Variants in DNAJC12 observed in about 807,000 individuals in gnomAD.
DNAJC12 encodes the protein dnaJ homolog subfamily C member 12.
Under a neutral mutation model 28.5 loss-of-function variants are expected in DNAJC12, and 25 were observed. The ratio of observed to expected loss-of-function variants is 0.88; its 90% CI spans 0.64 to 1.22. The LOEUF (loss-of-function observed/expected upper bound fraction) is 1.22, where lower values mean the gene tolerates loss of function less well. Among genes scored for constraint, DNAJC12 ranks in the 50% most tolerant of loss-of-function variants. DNAJC12 has a pLI of 0.00. For synonymous variants in DNAJC12, 77 were observed against 80.6 expected (o/e 0.95, Z 0.24); for missense variants, 222 against 231.7 (o/e 0.96, Z 0.27).
At chr10:67,799,133 C>CT (rs1425358813) in intron 4 of DNAJC12, among the ~76,000 whole-genome samples, 1 of 152,018 alleles carries the variant, frequency 6.6e-6, no homozygotes, top group Non-Finnish European at 1.5e-5. Flanking sequence ...AACATCTATG[C>CT]TTTTCGTCTT....
chr10:67,837,838 T>A (rs1842154513), intron 1 of DNAJC12, 96 bp downstream of exon 1: 1 of 878,366 alleles, frequency 1.1e-6, no homozygotes, highest in African/African-American at 1.7e-5. Context: ...GTAGGCAATG[T>A]GACTAAAAAT....
chr10:67,820,394 A>T (rs1297503603), intron 2 of DNAJC12, among the ~76,000 whole-genome samples: 2 of 152,224 alleles, frequency 1.3e-5, no homozygotes, highest in Non-Finnish European at 2.9e-5. Flanking sequence ...GATTCTATTT[A>T]TATGAAATCC....
chr10:67,827,330 T>C (rs1842046761), intron 1 of DNAJC12, among the ~76,000 whole-genome samples: 1 of 149,464 alleles, frequency 6.7e-6, no homozygotes, highest in South Asian at 2.1e-4. Context: ...GAGGTTGCAG[T>C]GAGCCAAGAT....
chr10:67,824,185 A>G (rs939338060), intron 1 of DNAJC12, among the ~76,000 whole-genome samples: 3 of 151,252 alleles, frequency 2.0e-5, no homozygotes, highest in African/African-American at 7.3e-5. Flanking sequence ...GCAGTGAGCC[A>G]AGATCACACC....
chr10:67,812,862 A>AC (rs1385206138), intron 2 of DNAJC12, among the ~76,000 whole-genome samples: 1 of 151,574 alleles, frequency 6.6e-6, no homozygotes, highest in East Asian at 2.0e-4. Flanking sequence ...AAAAAAAAAA[A>AC]ACAAAAAAAA....
chr10:67,819,847 T>C lies in DNAJC12; in HGVS notation c.157+3467A>G, dbSNP rs1841966389. 1.3e-5 allele frequency among the ~76,000 whole-genome samples: 2 copies of C among 149,720 alleles called. 1 individual carries two copies. Among genetic ancestry groups the C allele is most frequent in the South Asian group, 4.2e-4 (2 of 4,714 alleles). On this transcript the variant is annotated intron_variant, in intron 2 of 4. Transcript: ENST00000225171. ...TTTATGCATTCACTTATTCAAGAAA[T>C]TGTGCAGAATAGGTGTCCTCTTCAG...
At chr10:67,830,755 A>C (rs2131815004) in intron 1 of DNAJC12, among the ~76,000 whole-genome samples, 1 of 152,330 alleles carries the variant, frequency 6.6e-6, no homozygotes, top group Admixed American at 6.5e-5. Flanking sequence ...TACTATCATT[A>C]TTCTCATTTT....
chr10:67,838,117 C>A lies in DNAJC12; in HGVS notation c.-106G>T. 1.4e-6 allele frequency: 1 copy of A among 718,724 alleles called. No homozygotes were observed. The highest frequency in any genetic ancestry group is 2.3e-6 in the Non-Finnish European group (1 of 437,072). The allele number at this position is 718,724 out of a possible 1,614,324, so 44.5% of individuals were successfully genotyped here. A position where few individuals can be genotyped will look rare whatever the true frequency, so the allele number is the denominator to read the frequency against. ...ATCTGAATTAGAGCAGCATGTTCCA[C>A]ATAGCAAAAACTAGCTTTAAGACTG... is the stretch of plus-strand genomic sequence containing the variant. On this transcript the variant is annotated 5_prime_UTR_variant, in exon 1 of 5. It removes an upstream start codon present in the reference 5' UTR. Coordinates refer to ENST00000225171, the MANE Select transcript of DNAJC12 (RefSeq NM_021800.3).
At chr10:67,803,635 C>T (rs538038193) in intron 4 of DNAJC12, among the ~76,000 whole-genome samples, 23 of 152,232 alleles carry the variant, frequency 1.5e-4, no homozygotes, top group African/African-American at 5.5e-4. Context: ...TGTCTCCCAC[C>T]CACACTACAC....
At chr10:67,804,537 A>C (rs1344396397) in intron 4 of DNAJC12, among the ~76,000 whole-genome samples, 1 of 152,202 alleles carries the variant, frequency 6.6e-6, no homozygotes, top group East Asian at 1.9e-4. Flanking sequence ...AGCAAGTACT[A>C]TTATAATCCC....
intron 1 of DNAJC12, 101 bp from the exon 2 acceptor site, chr10:67,823,493 A>G (rs1842000685): frequency 2.2e-6 from 2 of 905,234 alleles, no homozygotes; most frequent in Non-Finnish European, 3.6e-6. Flanking sequence ...GCGGATCACC[A>G]GGAATAAGAC....
chr10:67,813,466 A>G (rs530229387), intron 2 of DNAJC12, among the ~76,000 whole-genome samples: 2 of 152,272 alleles, frequency 1.3e-5, no homozygotes, highest in South Asian at 2.1e-4. Context: ...AAGAGCATCA[A>G]GAGCCGGACC....
At chr10:67,834,896 T>G (rs1842128006) in intron 1 of DNAJC12, among the ~76,000 whole-genome samples, 1 of 152,184 alleles carries the variant, frequency 6.6e-6, no homozygotes. Flanking sequence ...CTTTGTTAAA[T>G]TGTTTTGAAA....
Position 67,805,671 on chromosome 10 carries a change from C to T in DNAJC12, c.414G>A (p.Glu138=), listed in dbSNP as rs1488954103. ...TTTTCTCTGCGGTTGAAGCCAGCTCCTCTTTCTTTCTTTCTCTTTGCTCAT... is the reference window on the plus strand; with the variant it reads ...TTTTCTCTGCGGTTGAAGCCAGCTCTTCTTTCTTTCTTTCTCTTTGCTCAT... The part of the protein sequence containing the change: ...ECNEQRERKK[E]ELASTAEKTE... The change falls in exon 4 of 5, where the codon GAG becomes GAA. Residue 138 remains glutamate, a synonymous_variant. Coordinates refer to ENST00000225171, the MANE Select transcript of DNAJC12 (RefSeq NM_021800.3). 4.3e-6 allele frequency: 7 copies of T among 1,613,516 alleles called. No homozygotes were observed. The highest frequency in any genetic ancestry group is 2.2e-5 in the East Asian group (1 of 44,836).
intron 2 of DNAJC12, among the ~76,000 whole-genome samples, chr10:67,821,017 A>C (rs1321173440): frequency 6.6e-6 from 1 of 151,534 alleles, no homozygotes; most frequent in East Asian, 2.0e-4. Flanking sequence ...TCCCGACCTC[A>C]GGTGGTCCAC....
intron 3 of DNAJC12, among the ~76,000 whole-genome samples, chr10:67,810,592 G>A (rs1047249520): frequency 7.9e-5 from 12 of 152,306 alleles, no homozygotes; most frequent in African/African-American, 2.9e-4. Context: ...AGGGTTGATG[G>A]TGTGAAGGAA....
In DNAJC12 at chr10:67,828,941, C is replaced by G. The variant is rs148846399; in HGVS notation, c.79-5549G>C. Among the ~76,000 whole-genome samples, 778 of 152,108 alleles carry G rather than the reference C, an allele frequency of 5.1e-3. 7 individuals are homozygous for G. Among genetic ancestry groups the G allele is most frequent in the African/African-American group, 0.018 (736 of 41,500 alleles). On this transcript the variant is annotated intron_variant, in intron 1 of 4. Coordinates refer to ENST00000225171, the MANE Select transcript of DNAJC12 (RefSeq NM_021800.3). ...GCATTTCAAGGAAATCACTTCTGTT[C>G]GAACTACAAGCAGCCAGAAAGAGCA...
At chr10:67,821,952 A>G (rs1841985589) in intron 2 of DNAJC12, among the ~76,000 whole-genome samples, 1 of 152,194 alleles carries the variant, frequency 6.6e-6, no homozygotes, top group Non-Finnish European at 1.5e-5. Flanking sequence ...AATAAGCGAG[A>G]TTTCAGAGGA....
chr10:67,823,090 A>G (rs552389694), intron 2 of DNAJC12, among the ~76,000 whole-genome samples: 23 of 152,324 alleles, frequency 1.5e-4, no homozygotes, highest in Admixed American at 2.0e-4. Flanking sequence ...ATTTTAAACC[A>G]CAAAGCAACA....
Sources: gnomAD v4.1 joint callset for allele counts (sites outside exome capture counted in the v4.1 genomes callset) on GRCh38, gnomAD v4.1.1 for gene constraint, MANE v1.5 for transcripts, NCBI Gene and HGNC (gene_info 2026-07-23, HGNC 2026-07-21) for gene names.